ABCC4: variants seen among roughly 807,000 people sequenced by gnomAD.
ABCC4 encodes ATP binding cassette subfamily C member 4 (PEL blood group), also known as ATP-binding cassette sub-family C member 4.
Under a neutral mutation model 168.5 loss-of-function variants are expected in ABCC4, and 102 were observed. The observed-to-expected ratio is 0.61, with a 90% CI of 0.52 to 0.71. ABCC4 has a LOEUF of 0.71. Among genes scored for constraint, ABCC4 ranks in the 30% least tolerant of loss-of-function variants. ABCC4 has a pLI of 0.00. For missense variants in ABCC4, 1,402 were observed against 1,605.8 expected (o/e 0.87, Z 2.17); for synonymous variants, 617 against 590.7 (o/e 1.04, Z -0.65).
chr13:95,218,284 C>A (rs904065104), intron 4 of ABCC4, among the ~76,000 whole-genome samples: 1 of 152,148 alleles, frequency 6.6e-6, no homozygotes, highest in Non-Finnish European at 1.5e-5. Context: ...TTAATGACTG[C>A]ACAATCTAAA....
At chr13:95,264,864 CTTTTT>C (rs55932446) in intron 1 of ABCC4, among the ~76,000 whole-genome samples, 8,650 of 106,518 alleles carry the variant, frequency 0.081, 495 homozygotes, top group African/African-American at 0.19. Context: ...CTACAATCCA[CTTTTT>C]TTTTTTTTTT....
chr13:95,233,998 C>T (rs2039692772), intron 4 of ABCC4, among the ~76,000 whole-genome samples: 1 of 152,142 alleles, frequency 6.6e-6, no homozygotes, highest in African/African-American at 2.4e-5. Context: ...ATAAAGAAAG[C>T]CTGTATCCGA....
Position 95,207,930 on chromosome 13 carries a change from G to A in ABCC4, c.786-5C>T. 2 of 1,612,866 alleles carry A rather than the reference G, an allele frequency of 1.2e-6. No individual in the cohort carries two copies. Among genetic ancestry groups the A allele is most frequent in the Non-Finnish European group, 8.5e-7 (1 of 1,179,768 alleles). On this transcript the variant is annotated splice_region_variant and splice_polypyrimidine_tract_variant and intron_variant, in intron 6 of 30. Coordinates refer to ENST00000645237, the MANE Select transcript of ABCC4 (RefSeq NM_005845.5). ...GTGAAAGTTGCAGTTTTACTCCTAA[G>A]GGGAACCAGACACGGGAGATGAGCC...
chr13:95,221,882 T>G (rs911454642), intron 4 of ABCC4, among the ~76,000 whole-genome samples: 4 of 152,178 alleles, frequency 2.6e-5, no homozygotes, highest in Non-Finnish European at 4.4e-5. Flanking sequence ...CCCTTTCCCT[T>G]TCAAGGAAGC....
chr13:95,246,278 C>G (rs570485342), intron 3 of ABCC4, among the ~76,000 whole-genome samples: 1 of 152,198 alleles, frequency 6.6e-6, no homozygotes, highest in African/African-American at 2.4e-5. Flanking sequence ...GAAGACACAC[C>G]GGATGGGTGT....
chr13:95,077,913 GT>G (rs372109114), intron 21 of ABCC4, among the ~76,000 whole-genome samples: 12 of 152,234 alleles, frequency 7.9e-5, no homozygotes, highest in African/African-American at 2.6e-4. Flanking sequence ...AGAGTCCACA[GT>G]TCCGTAAGTG....
At position 95,236,369 on chromosome 13, in the gene ABCC4, CT is replaced by C. The variant is rs1332802964; in HGVS notation, c.307-1536del. 2.7e-5 allele frequency among the ~76,000 whole-genome samples: 3 copies of C among 109,892 alleles called. No homozygotes were observed. The East Asian group carries it at 1.4e-3, about 50-fold the overall frequency. The allele number at this position is 109,892 out of a possible 152,430, so 72.1% of individuals were successfully genotyped here. A position where few individuals can be genotyped will look rare whatever the true frequency, so the allele number is the denominator to read the frequency against. Reference sequence around the variant, plus strand: ...TTTTCCTTTTAAGCAATCTCTCCTTCTTAACAAAGACATAATAAACACCTGA... The same window carrying C: ...TTTTCCTTTTAAGCAATCTCTCCTTCTAACAAAGACATAATAAACACCTGA... On this transcript the variant is annotated intron_variant, in intron 3 of 30. Transcript: ENST00000645237.
intron 29 of ABCC4, among the ~76,000 whole-genome samples, chr13:95,039,438 T>C (rs10508024): frequency 0.45 from 68,508 of 152,024 alleles, 18,727 homozygotes; most frequent in South Asian, 0.63. Flanking sequence ...AATCTTGAAT[T>C]TGTATCTTCA....
intron 30 of ABCC4, among the ~76,000 whole-genome samples, chr13:95,032,690 A>C (rs1206259901): frequency 6.6e-6 from 1 of 150,660 alleles, no homozygotes; most frequent in Non-Finnish European, 1.5e-5. Flanking sequence ...TTTGAGACGC[A>C]GTTTCGCTCT....
At chr13:95,174,449 A>G (rs536546314) in intron 13 of ABCC4, among the ~76,000 whole-genome samples, 2 of 152,254 alleles carry the variant, frequency 1.3e-5, no homozygotes, top group South Asian at 2.1e-4. Flanking sequence ...TGATTTCCTA[A>G]ATTGCATTCG....
intron 1 of ABCC4, among the ~76,000 whole-genome samples, chr13:95,282,136 TA>T (rs34577420): frequency 0.16 from 22,485 of 139,564 alleles, 2,277 homozygotes; most frequent in African/African-American, 0.3. Flanking sequence ...GACTCCATCT[TA>T]AAAAAAAAAA....
intron 4 of ABCC4, among the ~76,000 whole-genome samples, chr13:95,228,137 C>T (rs911277355): frequency 6.6e-6 from 1 of 152,318 alleles, no homozygotes. Context: ...CACTGTATGG[C>T]TCAGTTGCTG....
intron 30 of ABCC4, among the ~76,000 whole-genome samples, chr13:95,029,176 A>ATC (rs1566355097): frequency 0.33 from 16,754 of 50,788 alleles, 1,662 homozygotes; most frequent in East Asian, 0.38. Flanking sequence ...ACATATATAT[A>ATC]TATATATATA....
At chr13:95,256,913 CT>C (rs1354154240) in intron 1 of ABCC4, among the ~76,000 whole-genome samples, 2 of 152,198 alleles carry the variant, frequency 1.3e-5, no homozygotes, top group Non-Finnish European at 2.9e-5. Flanking sequence ...ACTTGCCAGA[CT>C]AAGGAATAAG....
chr13:95,197,601 T>C, intron 8 of ABCC4, among the ~76,000 whole-genome samples: 1 of 152,162 alleles, frequency 6.6e-6, no homozygotes, highest in South Asian at 2.1e-4. Flanking sequence ...GAAATGACAT[T>C]GCCAATACAG....
rs182608023 is a variant in ABCC4, at chr13:95,248,645, A to G, written c.75-892T>C. ...TAACATGCACCAGGCATAGTGGCTC[A>G]CACCTGTAACTCCAGAGCTTTGGGA... On this transcript the variant is annotated intron_variant, in intron 1 of 30. Transcript: ENST00000645237. Among the ~76,000 whole-genome samples, 104 of 152,358 alleles carry G rather than the reference A, an allele frequency of 6.8e-4. 1 individual carries two copies. Among genetic ancestry groups the G allele is most frequent in the African/African-American group, 2.4e-3 (100 of 41,584 alleles).
chr13:95,083,154 C>T lies in ABCC4; in HGVS notation c.2672G>A (p.Arg891His), dbSNP rs781305510. 4 of 1,613,686 alleles carry T rather than the reference C, an allele frequency of 2.5e-6. No individual in the cohort carries two copies. The highest frequency in any genetic ancestry group is 1.7e-5 in the Admixed American group (1 of 59,978). ...TCCATACTCACTTGTAGATTCCAGG[C>T]GCTTCACATCTCTTGACGTTTCCAA... is the stretch of plus-strand genomic sequence containing the variant. ...YFLETSRDVK[R>H]LESTTRSPVF... The change falls in exon 21 of 31, where the codon CGC (arginine) becomes CAC (histidine). Residue 891 changes from arginine to histidine, a missense_variant. Arg to His is a conservative substitution (Grantham distance 29). Around this residue, in one of 3 missense-constraint regions of ABCC4, gnomAD observed 1,007 missense variants for 1,127.3 expected, o/e 0.89. Coordinates refer to ENST00000645237, the MANE Select transcript of ABCC4 (RefSeq NM_005845.5).
intron 29 of ABCC4, 33 bp downstream of exon 29, chr13:95,043,649 G>C: frequency 3.9e-6 from 6 of 1,524,862 alleles, no homozygotes; most frequent in Non-Finnish European, 5.4e-6. Context: ...ACATAATTGG[G>C]AGCAACAGGA....
intron 8 of ABCC4, among the ~76,000 whole-genome samples, chr13:95,201,153 T>C (rs904969088): frequency 7.9e-5 from 12 of 152,222 alleles, no homozygotes; most frequent in Non-Finnish European, 1.6e-4. Context: ...ACAGAGCACC[T>C]TGCCAAAGTT....
Sources: gnomAD v4.1 joint callset for allele counts (sites outside exome capture counted in the v4.1 genomes callset) on GRCh38, gnomAD v4.1.1 for gene constraint, gnomAD v4.1.1 regional missense constraint, MANE v1.5 for transcripts, NCBI Gene and HGNC (gene_info 2026-07-23, HGNC 2026-07-21) for gene names.